SND1: variants seen among roughly 807,000 people sequenced by gnomAD.
SND1 encodes the protein staphylococcal nuclease and tudor domain containing 1, also known as staphylococcal nuclease domain-containing protein 1.
In SND1, 38 loss-of-function variants were observed where a neutral mutation model predicts 121.7. The ratio of observed to expected loss-of-function variants is 0.31; its 90% CI spans 0.24 to 0.41. The LOEUF (loss-of-function observed/expected upper bound fraction) is 0.41. Among genes scored for constraint, SND1 ranks in the 10% least tolerant of loss-of-function variants. SND1 has a pLI of 1.00. For synonymous variants in SND1, 401 were observed against 447.4 expected (o/e 0.90, Z 1.31); for missense variants, 868 against 1,184.6 (o/e 0.73, Z 3.92).
At chr7:127,779,551 GT>G (rs1354374303) in intron 10 of SND1, among the ~76,000 whole-genome samples, 1 of 152,146 alleles carries the variant, frequency 6.6e-6, no homozygotes, top group Non-Finnish European at 1.5e-5. Flanking sequence ...TTTATATACT[GT>G]TTGCTCCGAT....
intron 15 of SND1, among the ~76,000 whole-genome samples, chr7:127,952,273 A>G (rs1801478646): frequency 6.6e-6 from 1 of 152,240 alleles, no homozygotes; most frequent in Non-Finnish European, 1.5e-5. Flanking sequence ...TCTGTGGGAT[A>G]TCATTTCCAA....
At chr7:128,033,220 A>G (rs1792683887) in intron 16 of SND1, among the ~76,000 whole-genome samples, 1 of 152,160 alleles carries the variant, frequency 6.6e-6, no homozygotes, top group Admixed American at 6.5e-5. Flanking sequence ...GGAGACCCTA[A>G]GGCATTTGAC....
intron 10 of SND1, among the ~76,000 whole-genome samples, chr7:127,761,264 G>A (rs2116476773): frequency 6.6e-6 from 1 of 152,272 alleles, no homozygotes; most frequent in Non-Finnish European, 1.5e-5. Flanking sequence ...GTTTTGGGGA[G>A]GACAGCATTT....
rs1445294556 is a variant in SND1, at chr7:127,887,935, A to G, written c.1377A>G (p.Leu459=). Reference sequence around the variant, plus strand: ...CTGAGGCTCTTGTCAGCAAAGGTCTAGCCACAGTGATCAGATACCGGCAGG... The same window carrying G: ...CTGAGGCTCTTGTCAGCAAAGGTCTGGCCACAGTGATCAGATACCGGCAGG... ...NIAEALVSKG[L]ATVIRYRQDD... The change falls in exon 13 of 24, where the codon CTA becomes CTG. Residue 459 remains leucine (L), a synonymous_variant. Transcript: ENST00000354725. 6.2e-7 allele frequency: 1 copy of G among 1,612,244 alleles called. No homozygotes were observed.
intron 14 of SND1, among the ~76,000 whole-genome samples, chr7:127,914,494 T>C (rs1800528058): frequency 6.6e-6 from 1 of 152,208 alleles, no homozygotes; most frequent in African/African-American, 2.4e-5. Flanking sequence ...GATAAATTGA[T>C]AATTTCATAA....
chr7:127,716,095 G>A (rs921819148), intron 9 of SND1, among the ~76,000 whole-genome samples: 1 of 152,202 alleles, frequency 6.6e-6, no homozygotes, highest in Non-Finnish European at 1.5e-5. Context: ...CCAGTACCAT[G>A]TGGTATTGAT....
In SND1 at chr7:127,673,499, A is replaced by T. The variant is rs181207391; in HGVS notation, c.79-13114A>T. On this transcript the variant is annotated intron_variant, in intron 1 of 23. Coordinates refer to ENST00000354725, the MANE Select transcript of SND1 (RefSeq NM_014390.4). ...GCTAATTTTTGTATTTTTAGTAGAG[A>T]CGGGGTTTTGCCATGTTGGCCAGGC... Among the ~76,000 whole-genome samples the T allele has an allele frequency of 3.9e-5, 6 of 152,082 alleles. No individual in the cohort carries two copies. The East Asian group carries it at 1.2e-3, about 29-fold the overall frequency.
intron 16 of SND1, among the ~76,000 whole-genome samples, chr7:128,048,250 G>A (rs376952479): frequency 7.2e-5 from 11 of 151,784 alleles, no homozygotes; most frequent in African/African-American, 2.4e-4. Flanking sequence ...ATTGGAACTG[G>A]CAGTGATTTT....
chr7:128,086,968 A>T lies in SND1; in HGVS notation c.2335A>T (p.Thr779Ser). ...REVLPSTRLG[T>S]LSPAFSTRVL... is the part of the protein sequence containing the mutation. ...GGTCCTGCCATCCACCCGCCTGGGTACCCTATCACCTGCCTTCAGCACTCG... is the reference window on the plus strand; with the variant it reads ...GGTCCTGCCATCCACCCGCCTGGGTTCCCTATCACCTGCCTTCAGCACTCG... The change falls in exon 21 of 24, where the codon ACC becomes TCC. Residue 779 changes from threonine to serine, a missense_variant. Coordinates refer to ENST00000354725, the MANE Select transcript of SND1 (RefSeq NM_014390.4). 6.2e-7 allele frequency: 1 copy of T among 1,614,184 alleles called. No homozygotes were observed. The highest frequency in any genetic ancestry group is 2.2e-5 in the East Asian group (1 of 44,892).
chr7:127,764,035 T>A (rs1413639883), intron 10 of SND1, among the ~76,000 whole-genome samples: 3 of 74,422 alleles, frequency 4.0e-5, no homozygotes, highest in Non-Finnish European at 5.7e-5. Flanking sequence ...CAAGACCCTG[T>A]CGCAAAAAAA....
chr7:127,700,003 G>T (rs1175796726), intron 4 of SND1, among the ~76,000 whole-genome samples: 2 of 152,210 alleles, frequency 1.3e-5, no homozygotes, highest in Non-Finnish European at 2.9e-5. Flanking sequence ...GGGTGTGCCA[G>T]TGGGAATTTG....
intron 3 of SND1, among the ~76,000 whole-genome samples, chr7:127,697,396 A>G (rs1796023677): frequency 1.3e-5 from 2 of 152,182 alleles, no homozygotes; most frequent in South Asian, 4.1e-4. Context: ...TGCCAAGAAA[A>G]TGTCTGACTT....
intron 15 of SND1, among the ~76,000 whole-genome samples, chr7:127,962,034 G>T (rs1419265169): frequency 1.3e-5 from 2 of 152,112 alleles, no homozygotes; most frequent in Admixed American, 6.6e-5. Flanking sequence ...ATGAGTGAGA[G>T]AATTTAAAGG....
intron 16 of SND1, among the ~76,000 whole-genome samples, chr7:128,051,925 A>C (rs1457185965): frequency 1.3e-5 from 2 of 152,246 alleles, no homozygotes; most frequent in East Asian, 3.8e-4. Flanking sequence ...TAAATAAAAA[A>C]AATGGATCAG....
chr7:127,881,271 A>G (rs891304023), intron 12 of SND1, among the ~76,000 whole-genome samples: 1 of 151,942 alleles, frequency 6.6e-6, no homozygotes, highest in Non-Finnish European at 1.5e-5. Context: ...CTTCTGTTCC[A>G]CCCTAGGTTA....
chr7:127,671,363 C>T (rs1354248958), intron 1 of SND1, among the ~76,000 whole-genome samples: 3 of 152,238 alleles, frequency 2.0e-5, no homozygotes, highest in Non-Finnish European at 2.9e-5. Context: ...TATTCATTCA[C>T]AGTAGTTATG....
At chr7:127,916,297 A>T (rs1268626008) in intron 14 of SND1, among the ~76,000 whole-genome samples, 15 of 152,152 alleles carry the variant, frequency 9.9e-5, no homozygotes, top group Non-Finnish European at 1.5e-5. Flanking sequence ...ATTGGGGTCA[A>T]GGAAGGGAAG....
At chr7:128,011,666 C>G (rs573060210) in intron 16 of SND1, among the ~76,000 whole-genome samples, 2 of 152,316 alleles carry the variant, frequency 1.3e-5, no homozygotes, top group African/African-American at 4.8e-5. Flanking sequence ...ATTCTGGCTT[C>G]ATCAAGCACC....
At chr7:128,006,772 CAG>C (rs1802987249) in intron 16 of SND1, among the ~76,000 whole-genome samples, 1 of 152,208 alleles carries the variant, frequency 6.6e-6, no homozygotes, top group African/African-American at 2.4e-5. Flanking sequence ...AGACTTTTGG[CAG>C]AGAGGCTGCA....
Sources: allele counts gnomAD v4.1 joint callset (sites outside exome capture counted in the v4.1 genomes callset), GRCh38; gene constraint gnomAD v4.1.1; transcripts MANE v1.5; gene names NCBI Gene and HGNC (gene_info 2026-07-23, HGNC 2026-07-21).